RALGPS1: variants seen among roughly 807,000 people sequenced by gnomAD.
RALGPS1 encodes the protein Ral GEF with PH domain and SH3 binding motif 1.
Under a neutral mutation model 78.8 loss-of-function variants are expected in RALGPS1, and 19 were observed. The ratio of observed to expected loss-of-function variants is 0.24; its 90% CI spans 0.17 to 0.35. The LOEUF (loss-of-function observed/expected upper bound fraction) is 0.35, where lower values mean the gene tolerates loss of function less well. Ranked by LOEUF, RALGPS1 falls within the 10% of genes least tolerant of loss-of-function variation. The pLI, the probability that RALGPS1 is intolerant of heterozygous loss-of-function variation, is 1.00. For missense variants in RALGPS1, 454 were observed against 688.3 expected (o/e 0.66, Z 3.81); for synonymous variants, 228 against 256.3 (o/e 0.89, Z 1.06).
intron 1 of RALGPS1, among the ~76,000 whole-genome samples, chr9:126,950,111 A>T (rs1478650735): frequency 6.6e-6 from 1 of 152,158 alleles, no homozygotes; most frequent in Non-Finnish European, 1.5e-5. Flanking sequence ...TTTGTCAAAG[A>T]TCAGATAGTT....
chr9:127,094,857 T>C (rs1172909965), intron 8 of RALGPS1, among the ~76,000 whole-genome samples: 5 of 152,224 alleles, frequency 3.3e-5, no homozygotes, highest in African/African-American at 9.6e-5. Context: ...TCAGAAGGAA[T>C]GGGTGTTATA....
intron 1 of RALGPS1, among the ~76,000 whole-genome samples, chr9:126,933,407 A>T (rs542639060): frequency 5.3e-5 from 8 of 152,298 alleles, no homozygotes; most frequent in Admixed American, 2.0e-4. Flanking sequence ...TCTGACGGGA[A>T]AGTAGCCTGG....
At chr9:126,932,620 A>T (rs1490092748) in intron 1 of RALGPS1, among the ~76,000 whole-genome samples, 1 of 152,188 alleles carries the variant, frequency 6.6e-6, no homozygotes, top group Non-Finnish European at 1.5e-5. Flanking sequence ...CACAAACATA[A>T]TGTTCATACA....
chr9:127,058,598 C>G (rs1325360869), intron 7 of RALGPS1, among the ~76,000 whole-genome samples: 1 of 152,068 alleles, frequency 6.6e-6, no homozygotes, highest in African/African-American at 2.4e-5. Context: ...GGGGTGAGTC[C>G]TAGGTTTTGG....
intron 4 of RALGPS1, among the ~76,000 whole-genome samples, chr9:126,988,468 A>G (rs1486950789): frequency 6.6e-6 from 1 of 152,220 alleles, no homozygotes; most frequent in Non-Finnish European, 1.5e-5. Flanking sequence ...GTGCAATGGC[A>G]TGATCATAGC....
In RALGPS1 at chr9:127,134,012, C is replaced by CA. The variant is rs577296748; in HGVS notation, c.611-32057_611-32056insA. ...TAAATGCTCTTGTCCTCGCTCCCCC[C>CA]CCCGTGAATGCTGTGATTCAGCACA... is the stretch of plus-strand genomic sequence containing the variant. On this transcript the variant is annotated intron_variant, in intron 8 of 18. Transcript: ENST00000259351. 1.1e-3 allele frequency among the ~76,000 whole-genome samples: 169 copies of CA among 151,814 alleles called. 2 individuals carry two copies. Among genetic ancestry groups the CA allele is most frequent in the African/African-American group, 3.9e-3 (162 of 41,414 alleles).
chr9:126,993,399 A>AT (rs1382459991), intron 4 of RALGPS1, among the ~76,000 whole-genome samples: 1 of 152,186 alleles, frequency 6.6e-6, no homozygotes, highest in Non-Finnish European at 1.5e-5. Context: ...CCCTCACAAA[A>AT]TGAGTTGAGA....
chr9:126,933,375 G>T (rs1236854855), intron 1 of RALGPS1, among the ~76,000 whole-genome samples: 1 of 152,118 alleles, frequency 6.6e-6, no homozygotes, highest in Non-Finnish European at 1.5e-5. Context: ...TCTTCGGGCA[G>T]GGGTTACTGA....
chr9:126,920,372 C>T (rs1421417056), intron 1 of RALGPS1, among the ~76,000 whole-genome samples: 1 of 152,048 alleles, frequency 6.6e-6, no homozygotes, highest in Non-Finnish European at 1.5e-5. Flanking sequence ...GATACTTGTC[C>T]TAAAAAATCT....
intron 18 of RALGPS1, chr9:127,217,134 C>T: frequency 7.6e-7 from 1 of 1,321,252 alleles, no homozygotes; most frequent in South Asian, 2.2e-5. Flanking sequence ...GCAGGCTGAT[C>T]CAGCAGAGCA....
At chr9:126,919,629 G>A (rs2034547996) in intron 1 of RALGPS1, among the ~76,000 whole-genome samples, 1 of 152,216 alleles carries the variant, frequency 6.6e-6, no homozygotes, top group Admixed American at 6.5e-5. Flanking sequence ...CGGAGGAAGG[G>A]AGATCATGCT....
chr9:127,062,346 C>T (rs187722966), intron 7 of RALGPS1, among the ~76,000 whole-genome samples: 3 of 152,326 alleles, frequency 2.0e-5, no homozygotes, highest in African/African-American at 4.8e-5. Context: ...GATCCACCCA[C>T]CTCAGCCTCC....
chr9:126,996,983 C>T (rs561493239), intron 4 of RALGPS1, among the ~76,000 whole-genome samples: 10 of 151,606 alleles, frequency 6.6e-5, no homozygotes, highest in East Asian at 5.8e-4. Flanking sequence ...AATTCAACAA[C>T]GCTTCATGCT....
chr9:126,999,652 T>C (rs1347203811), intron 4 of RALGPS1, among the ~76,000 whole-genome samples: 1 of 152,252 alleles, frequency 6.6e-6, no homozygotes, highest in Non-Finnish European at 1.5e-5. Flanking sequence ...TTTCATGGCT[T>C]GATAGCTCAT....
At chr9:127,213,316 G>A (rs949359218) in intron 17 of RALGPS1, among the ~76,000 whole-genome samples, 1 of 152,208 alleles carries the variant, frequency 6.6e-6, no homozygotes, top group Non-Finnish European at 1.5e-5. Flanking sequence ...TCCAGGAGCT[G>A]TAGTCTTACG....
chr9:127,206,771 A>G (rs562320974), intron 14 of RALGPS1, among the ~76,000 whole-genome samples: 3 of 152,140 alleles, frequency 2.0e-5, no homozygotes, highest in African/African-American at 7.2e-5. Flanking sequence ...TATGAAATGT[A>G]AGCCCCAGGA....
intron 4 of RALGPS1, chr9:126,990,124 GTGTT>G (rs2042155860): frequency 8.5e-7 from 1 of 1,171,872 alleles, no homozygotes; most frequent in Admixed American, 2.6e-5. Flanking sequence ...CTTGGAATCA[GTGTT>G]TGGCCCTCGG....
intron 8 of RALGPS1, chr9:127,088,103 G>A (rs2051988653): frequency 6.6e-6 from 1 of 152,620 alleles, no homozygotes; most frequent in Non-Finnish European, 1.5e-5. Flanking sequence ...TAGGCGAGGA[G>A]TACAGCAGAG....
intron 8 of RALGPS1, chr9:127,106,839 A>T (rs544926703): frequency 6.6e-6 from 1 of 152,346 alleles, no homozygotes; most frequent in African/African-American, 2.4e-5. Context: ...GGTTATTTTT[A>T]AAAGTGTGAA....
Sources: allele counts gnomAD v4.1 joint callset (sites outside exome capture counted in the v4.1 genomes callset), GRCh38; gene constraint gnomAD v4.1.1; transcripts MANE v1.5; gene names NCBI Gene and HGNC (gene_info 2026-07-23, HGNC 2026-07-21).